UBTD1: variants seen among roughly 807,000 people sequenced by gnomAD.
UBTD1 encodes ubiquitin domain-containing protein 1.
In UBTD1, 19 loss-of-function variants were observed where a neutral mutation model predicts 21.7. That is an observed-to-expected ratio of 0.87 (90% CI 0.61 to 1.28). The LOEUF (loss-of-function observed/expected upper bound fraction) is 1.28. Ranked by LOEUF, UBTD1 falls within the 50% of genes most tolerant of loss-of-function variation. UBTD1 has a pLI of 0.00. For missense variants in UBTD1, 282 were observed against 315.1 expected (o/e 0.89, Z 0.80); for synonymous variants, 116 against 135.1 (o/e 0.86, Z 0.98).
At chr10:97,550,907 C>T (rs986440753) in intron 1 of UBTD1, among the ~76,000 whole-genome samples, 1 of 152,160 alleles carries the variant, frequency 6.6e-6, no homozygotes, top group South Asian at 2.1e-4. Flanking sequence ...CCATCATTAT[C>T]CTCCTCCAGC....
chr10:97,501,204 G>GTCA (rs1298825067), intron 1 of UBTD1, among the ~76,000 whole-genome samples: 1 of 152,210 alleles, frequency 6.6e-6, no homozygotes, highest in African/African-American at 2.4e-5. Flanking sequence ...TTCATCTTCA[G>GTCA]TCATCATTCA....
chr10:97,552,610 C>G (rs1440045201), intron 1 of UBTD1, among the ~76,000 whole-genome samples: 1 of 152,024 alleles, frequency 6.6e-6, no homozygotes, highest in African/African-American at 2.4e-5. Context: ...ACCATGTTGT[C>G]CCAGCTGGTC....
chr10:97,542,159 G>A (rs940238952), intron 1 of UBTD1, among the ~76,000 whole-genome samples: 1 of 152,182 alleles, frequency 6.6e-6, no homozygotes, highest in African/African-American at 2.4e-5. Context: ...CGGGGGTCAG[G>A]CTGAGAGTGG....
intron 1 of UBTD1, among the ~76,000 whole-genome samples, chr10:97,566,503 G>A (rs1277372918): frequency 6.6e-6 from 1 of 152,152 alleles, no homozygotes; most frequent in Non-Finnish European, 1.5e-5. Flanking sequence ...CAGACCTGAG[G>A]TGGAACCCTC....
intron 1 of UBTD1, among the ~76,000 whole-genome samples, chr10:97,561,645 T>C (rs928125025): frequency 2.0e-5 from 3 of 152,314 alleles, no homozygotes; most frequent in African/African-American, 7.2e-5. Context: ...AGTTATGAGT[T>C]GATTTTTAAC....
chr10:97,502,485 G>T (rs1463945463), intron 1 of UBTD1, among the ~76,000 whole-genome samples: 2 of 152,170 alleles, frequency 1.3e-5, no homozygotes, highest in Admixed American at 6.5e-5. Context: ...TCAACAGGGA[G>T]CTAGGACCTG....
At chr10:97,505,771 A>G (rs1294792878) in intron 1 of UBTD1, among the ~76,000 whole-genome samples, 1 of 152,216 alleles carries the variant, frequency 6.6e-6, no homozygotes, top group Non-Finnish European at 1.5e-5. Flanking sequence ...GTAAGATTAA[A>G]GTGAGACCCT....
chr10:97,542,649 G>A (rs2040592163), intron 1 of UBTD1, among the ~76,000 whole-genome samples: 1 of 152,220 alleles, frequency 6.6e-6, no homozygotes. Context: ...GAGCAGGGCT[G>A]CAGTCCCAGG....
chr10:97,561,498 G>A (rs1376517643), intron 1 of UBTD1, among the ~76,000 whole-genome samples: 6 of 152,124 alleles, frequency 3.9e-5, no homozygotes, highest in African/African-American at 1.2e-4. Context: ...TGAAAGGGTC[G>A]TGATTGATTT....
chr10:97,563,128 A>G (rs1266252957), intron 1 of UBTD1, among the ~76,000 whole-genome samples: 1 of 152,208 alleles, frequency 6.6e-6, no homozygotes, highest in African/African-American at 2.4e-5. Context: ...TTGAGAAACT[A>G]AACGGAAGAC....
intron 1 of UBTD1, among the ~76,000 whole-genome samples, chr10:97,534,457 A>G (rs774412377): frequency 1.3e-5 from 2 of 152,112 alleles, no homozygotes; most frequent in Non-Finnish European, 2.9e-5. Flanking sequence ...AGTCCTGGCT[A>G]AGCTTTCTCC....
rs543302307 is a variant in UBTD1 at position 97,536,585 on chromosome 10, A to T, written c.71-31329A>T. Among the ~76,000 whole-genome samples, 4 of 152,352 alleles carry T rather than the reference A, an allele frequency of 2.6e-5. No homozygotes were observed. The South Asian group carries it at 8.3e-4, about 32-fold the overall frequency. The stretch of plus-strand genomic sequence containing the variant: ...GAAGACCAGTGTCTCGTAGGAGGCC[A>T]GTGGGCCCAGGGGCAGGGTGCCCAT... On this transcript the variant is annotated intron_variant, in intron 1 of 2. Coordinates refer to ENST00000370664, the MANE Select transcript of UBTD1 (RefSeq NM_024954.5).
At chr10:97,560,636 C>T (rs919093621) in intron 1 of UBTD1, among the ~76,000 whole-genome samples, 3 of 152,140 alleles carry the variant, frequency 2.0e-5, no homozygotes, top group East Asian at 3.8e-4. Context: ...TCCTTCTGAT[C>T]GCCAACCCAC....
At chr10:97,517,718 C>T (rs945953802) in intron 1 of UBTD1, among the ~76,000 whole-genome samples, 16 of 152,274 alleles carry the variant, frequency 1.1e-4, no homozygotes, top group African/African-American at 2.9e-4. Flanking sequence ...CATCTCAGGC[C>T]GGTGACCCTG....
intron 1 of UBTD1, among the ~76,000 whole-genome samples, chr10:97,520,357 T>C (rs2040461761): frequency 6.6e-6 from 1 of 152,206 alleles, no homozygotes; most frequent in African/African-American, 2.4e-5. Flanking sequence ...CTGAAGCATC[T>C]GTCTGCATAA....
At chr10:97,520,135 T>C (rs1251718224) in intron 1 of UBTD1, among the ~76,000 whole-genome samples, 2 of 152,226 alleles carry the variant, frequency 1.3e-5, no homozygotes, top group Non-Finnish European at 2.9e-5. Flanking sequence ...TAGATGGTGG[T>C]AGTACCTACC....
intron 1 of UBTD1, among the ~76,000 whole-genome samples, chr10:97,565,856 C>T (rs1314549167): frequency 6.6e-6 from 1 of 151,862 alleles, no homozygotes; most frequent in Non-Finnish European, 1.5e-5. Flanking sequence ...GGGACTACAG[C>T]TGCATGCCAC....
intron 1 of UBTD1, among the ~76,000 whole-genome samples, chr10:97,510,825 C>G (rs1298983531): frequency 6.6e-6 from 1 of 152,144 alleles, no homozygotes; most frequent in Non-Finnish European, 1.5e-5. Flanking sequence ...TGAATCAACT[C>G]TCATTAGTAG....
In UBTD1 at chr10:97,536,465, C is replaced by T. The variant is rs144289527; in HGVS notation, c.71-31449C>T. Among the ~76,000 whole-genome samples the T allele has an allele frequency of 1.1e-3, 170 of 152,220 alleles. 1 individual carries two copies. Among genetic ancestry groups the T allele is most frequent in the African/African-American group, 4.0e-3 (164 of 41,518 alleles). On this transcript the variant is annotated intron_variant, in intron 1 of 2. Coordinates refer to ENST00000370664, the MANE Select transcript of UBTD1 (RefSeq NM_024954.5). ...AGAAAATGGGGCAATCTGTGGGTAC[C>T]CCAGCTAGTGTTTGATTTTAAAATG...
Sources: allele counts gnomAD v4.1 joint callset (sites outside exome capture counted in the v4.1 genomes callset), GRCh38; gene constraint gnomAD v4.1.1; transcripts MANE v1.5; gene names NCBI Gene and HGNC (gene_info 2026-07-23, HGNC 2026-07-21).